Variants in SENP7 observed in about 807,000 individuals in gnomAD.
SENP7 encodes the protein SUMO specific peptidase 7.
Under a neutral mutation model 141.2 loss-of-function variants are expected in SENP7, and 64 were observed. The observed-to-expected ratio is 0.45, with a 90% CI of 0.37 to 0.56. The LOEUF is 0.56. Among genes scored for constraint, SENP7 ranks in the 20% least tolerant of loss-of-function variants. SENP7 has a pLI of 0.00. For synonymous variants in SENP7, 382 were observed against 426.4 expected (o/e 0.90, Z 1.28); for missense variants, 1,025 against 1,212.2 (o/e 0.85, Z 2.29).
intron 17 of SENP7, among the ~76,000 whole-genome samples, chr3:101,336,196 C>G (rs1271274383): frequency 1.3e-5 from 2 of 152,164 alleles, no homozygotes; most frequent in Non-Finnish European, 2.9e-5. Flanking sequence ...GACAATAATA[C>G]TGTAGAATCA....
chr3:101,499,342 A>G (rs1332164889), intron 2 of SENP7, among the ~76,000 whole-genome samples: 2 of 152,124 alleles, frequency 1.3e-5, no homozygotes, highest in Non-Finnish European at 2.9e-5. Context: ...AGTAGATATG[A>G]TAGTATTCAT....
At position 101,332,547 on chromosome 3, in the gene SENP7, A is replaced by AT. The variant is rs746640228; in HGVS notation, c.2573+222dup. On this transcript the variant is annotated intron_variant, in intron 18 of 23. Transcript: ENST00000394095. The stretch of plus-strand genomic sequence containing the variant: ...TCTCAGTCATTATAGTCTTGTGGTC[A>AT]TTTGTCACTTTATTTTTTTTTCACT... Among the ~76,000 whole-genome samples the AT allele has an allele frequency of 2.4e-4, 37 of 152,102 alleles. No individual in the cohort carries two copies. In the East Asian group the frequency reaches 4.6e-3, roughly 19 times the overall value.
chr3:101,415,830 C>T (rs2107649728), intron 5 of SENP7, among the ~76,000 whole-genome samples: 1 of 152,334 alleles, frequency 6.6e-6, no homozygotes, highest in South Asian at 2.1e-4. Flanking sequence ...TTTTCACCAA[C>T]TTATTACTTG....
chr3:101,502,053 C>T (rs2065403001), intron 1 of SENP7, among the ~76,000 whole-genome samples: 1 of 152,164 alleles, frequency 6.6e-6, no homozygotes, highest in African/African-American at 2.4e-5. Context: ...AATATATTCA[C>T]GACCTTTGGG....
chr3:101,427,787 G>A (rs928351724), intron 4 of SENP7, among the ~76,000 whole-genome samples: 1 of 151,882 alleles, frequency 6.6e-6, no homozygotes, highest in Non-Finnish European at 1.5e-5. Context: ...ATGGTGCTTT[G>A]CTGCACTCAT....
chr3:101,340,265 A>T (rs772379306), intron 15 of SENP7, 54 bp from the exon 16 acceptor site: 62 of 1,512,946 alleles, frequency 4.1e-5, no homozygotes, highest in Non-Finnish European at 5.5e-5. Context: ...CCTATTATCT[A>T]AGAGATTTCT....
intron 5 of SENP7, among the ~76,000 whole-genome samples, chr3:101,410,682 T>C (rs1440727330): frequency 6.6e-6 from 1 of 151,626 alleles, no homozygotes; most frequent in Non-Finnish European, 1.5e-5. Flanking sequence ...CTCCATCTAC[T>C]AAAAATACAA....
intron 1 of SENP7, among the ~76,000 whole-genome samples, chr3:101,509,822 G>C (rs942695970): frequency 1.3e-5 from 2 of 152,130 alleles, no homozygotes; most frequent in Non-Finnish European, 2.9e-5. Context: ...TTTGAATTCT[G>C]TTCCTTACTA....
chr3:101,492,646 T>C (rs1034653946), intron 3 of SENP7, among the ~76,000 whole-genome samples: 3 of 152,110 alleles, frequency 2.0e-5, no homozygotes, highest in African/African-American at 7.2e-5. Flanking sequence ...AAAAGCCATC[T>C]GCAATCCAAG....
chr3:101,365,097 G>T, intron 9 of SENP7, 106 bp from the exon 10 acceptor site: 1 of 643,716 alleles, frequency 1.6e-6, no homozygotes, highest in Non-Finnish European at 2.3e-6. Flanking sequence ...CCACCTCCCG[G>T]GCTCAGGCAA....
chr3:101,399,465 A>G (rs4683843), intron 5 of SENP7, among the ~76,000 whole-genome samples: 60,383 of 152,106 alleles, frequency 0.4, 12,507 homozygotes, highest in Admixed American at 0.54. Context: ...AGTAATTTAC[A>G]TACTTGCAAT....
At chr3:101,420,791 A>C (rs566103971) in intron 4 of SENP7, among the ~76,000 whole-genome samples, 1 of 152,314 alleles carries the variant, frequency 6.6e-6, no homozygotes, top group Non-Finnish European at 1.5e-5. Context: ...AATAATAAAA[A>C]TATAGACTGT....
chr3:101,362,016 T>A (rs1009652399), intron 10 of SENP7, among the ~76,000 whole-genome samples, 155 bp from the exon 11 acceptor site: 12 of 150,718 alleles, frequency 8.0e-5, no homozygotes, highest in Non-Finnish European at 1.8e-4. Context: ...CTATCTAGAT[T>A]TTTTTTCTGA....
At chr3:101,512,095 C>T (rs1204937566) in intron 1 of SENP7, among the ~76,000 whole-genome samples, 5 of 152,232 alleles carry the variant, frequency 3.3e-5, no homozygotes, top group African/African-American at 9.6e-5. Context: ...GTTGGCATTA[C>T]AGGCGTGAGC....
Position 101,327,709 on chromosome 3 carries a change from T to A in SENP7, c.2972A>T (p.Asp991Val). The A allele has an allele frequency of 6.2e-7, 1 of 1,609,872 alleles. No individual in the cohort carries two copies. The change falls in exon 23 of 24, where the codon GAT (aspartate) becomes GTT (valine). Residue 991 changes from aspartate to valine, a missense_variant. Around this residue, in one of 4 missense-constraint regions of SENP7, gnomAD observed 295 missense variants for 459.1 expected, o/e 0.64. Coordinates refer to ENST00000394095, the MANE Select transcript of SENP7 (RefSeq NM_020654.5). ...PKVPKQDNSSDCGVYLLQYVE... is the reference protein window; with the variant it reads ...PKVPKQDNSSVCGVYLLQYVE... ...ATACTGCAATAAATATACTCCACAA[T>A]CACTGCTATTGTCCTGTTTAGGAAC...
intron 5 of SENP7, among the ~76,000 whole-genome samples, chr3:101,402,187 G>A (rs984290620): frequency 6.6e-6 from 1 of 152,086 alleles, no homozygotes; most frequent in Non-Finnish European, 1.5e-5. Flanking sequence ...TGACATCTAG[G>A]AATTCCATAC....
intron 6 of SENP7, among the ~76,000 whole-genome samples, chr3:101,385,623 C>T (rs1449333595): frequency 6.6e-6 from 1 of 152,166 alleles, no homozygotes; most frequent in East Asian, 1.9e-4. Context: ...CACTACCATC[C>T]AGAGCTCAAA....
At chr3:101,511,645 A>G (rs941994836) in intron 1 of SENP7, among the ~76,000 whole-genome samples, 3 of 152,218 alleles carry the variant, frequency 2.0e-5, no homozygotes, top group Non-Finnish European at 4.4e-5. Flanking sequence ...TACACCAAGA[A>G]CATCGATAAC....
intron 4 of SENP7, among the ~76,000 whole-genome samples, chr3:101,423,763 G>A (rs1479194843): frequency 6.6e-6 from 1 of 152,106 alleles, no homozygotes; most frequent in African/African-American, 2.4e-5. Context: ...CATGTACCAG[G>A]ACTCATTCAT....
Sources: gnomAD v4.1 joint callset for allele counts (sites outside exome capture counted in the v4.1 genomes callset) on GRCh38, gnomAD v4.1.1 for gene constraint, gnomAD v4.1.1 regional missense constraint, MANE v1.5 for transcripts, NCBI Gene and HGNC (gene_info 2026-07-23, HGNC 2026-07-21) for gene names.